The following CEP63 variants were observed in gnomAD, a reference collection of about 807,000 sequenced individuals.
CEP63 encodes the protein centrosomal protein of 63 kDa.
A neutral mutation model predicts 89.1 loss-of-function variants in CEP63; 84 were observed. That is an observed-to-expected ratio of 0.94 (90% CI 0.79 to 1.13). CEP63 has a LOEUF of 1.13. CEP63 is among the 50% of genes most tolerant of loss of function. CEP63 has a pLI of 0.00. For synonymous variants in CEP63, 267 were observed against 272.5 expected (o/e 0.98, Z 0.20); for missense variants, 838 against 813.3 (o/e 1.03, Z -0.37).
exon 11 of CEP63, among the ~76,000 whole-genome samples, chr3:134,587,671 A>T (rs1282170554): frequency 6.6e-6 from 1 of 152,080 alleles, no homozygotes; most frequent in Non-Finnish European, 1.5e-5. Flanking sequence ...CCACTTGAGG[A>T]GGCAGTCTGT....
At chr3:134,676,961 T>C in the CEP63 span, among the ~76,000 whole-genome samples, 5 of 152,248 alleles carry the variant, frequency 3.3e-5, no homozygotes, top group African/African-American at 1.2e-4. Flanking sequence ...CCCGGCCAGG[T>C]GCAGTGGTTC....
At position 134,552,296 on chromosome 3, in the gene CEP63, C is replaced by T. The variant is rs1049233996; in HGVS notation, c.1467+284C>T. 16 of 208,530 alleles carry T rather than the reference C, an allele frequency of 7.7e-5. 1 individual carries two copies. In the South Asian group the frequency reaches 9.4e-4, roughly 12 times the overall value. 12.9% of individuals were successfully genotyped at this position (208,530 alleles called of 1,614,324 possible). On this transcript the variant is annotated intron_variant, in intron 12 of 14. Transcript: ENST00000675561. ...TTGGCTCACCGCAGCCTCCACCTCC[C>T]GGGTTCAAATGATGCTCCTGCCTCA...
intron 3 of CEP63, among the ~76,000 whole-genome samples, chr3:134,519,163 G>A (rs1024273075): frequency 1.3e-5 from 2 of 151,810 alleles, no homozygotes; most frequent in African/African-American, 2.4e-5. Context: ...TCACTCTGTC[G>A]CCCAGGCAGG....
intron 10 of CEP63, among the ~76,000 whole-genome samples, chr3:134,581,676 A>G (rs1958351277): frequency 2.6e-5 from 1 of 37,916 alleles, no homozygotes; most frequent in South Asian, 1.2e-3. Context: ...TCATGATGAA[A>G]ACATTTTTTT....
the CEP63 span, among the ~76,000 whole-genome samples, chr3:134,616,082 G>A: frequency 3.9e-3 from 587 of 152,358 alleles, 2 homozygotes; most frequent in African/African-American, 0.013. Context: ...GCAGTCTGGG[G>A]AATTAAGCTT....
At chr3:134,635,596 A>G in the CEP63 span, among the ~76,000 whole-genome samples, 1 of 152,114 alleles carries the variant, frequency 6.6e-6, no homozygotes, top group African/African-American at 2.4e-5. Flanking sequence ...AGAGGGAAAT[A>G]GAACTGCTGT....
At chr3:134,774,223 C>A in the CEP63 span, among the ~76,000 whole-genome samples, 1 of 152,266 alleles carries the variant, frequency 6.6e-6, no homozygotes, top group South Asian at 2.1e-4. Context: ...TATTTCCTCC[C>A]ACAGGGTCTC....
At chr3:134,519,284 C>T (rs551425293) in intron 3 of CEP63, among the ~76,000 whole-genome samples, 19 of 151,948 alleles carry the variant, frequency 1.3e-4, no homozygotes, top group South Asian at 6.2e-4. Flanking sequence ...CCACCATGCC[C>T]GGCTAATTTT....
the CEP63 span, among the ~76,000 whole-genome samples, chr3:134,782,404 A>G: frequency 6.6e-6 from 1 of 152,190 alleles, no homozygotes; most frequent in Non-Finnish European, 1.5e-5. Context: ...ATTGTGAATC[A>G]GGTTTGATAT....
the CEP63 span, among the ~76,000 whole-genome samples, chr3:134,642,866 T>G: frequency 2.0e-5 from 3 of 152,214 alleles, no homozygotes; most frequent in Non-Finnish European, 2.9e-5. Context: ...CTTGAACACA[T>G]GACAGCCTTT....
chr3:134,534,097 A>G (rs1422374850), intron 5 of CEP63, among the ~76,000 whole-genome samples: 1 of 152,272 alleles, frequency 6.6e-6, no homozygotes, highest in African/African-American at 2.4e-5. Context: ...GCCAATGAAC[A>G]TAACAACCAA....
At chr3:134,667,818 C>A in the CEP63 span, among the ~76,000 whole-genome samples, 1 of 152,296 alleles carries the variant, frequency 6.6e-6, no homozygotes, top group East Asian at 1.9e-4. Context: ...GAGAGCCAAG[C>A]AGCTCTGCTG....
chr3:134,722,938 C>T, the CEP63 span, among the ~76,000 whole-genome samples: 1 of 152,170 alleles, frequency 6.6e-6, no homozygotes, highest in Non-Finnish European at 1.5e-5. Context: ...GATAGCATGC[C>T]ACTGCAAGCC....
chr3:134,740,459 G>C, the CEP63 span, among the ~76,000 whole-genome samples: 25 of 151,966 alleles, frequency 1.6e-4, no homozygotes, highest in Admixed American at 1.6e-3. Flanking sequence ...TACTATGCCC[G>C]GCTAATTTTT....
At chr3:134,709,697 C>A in the CEP63 span, among the ~76,000 whole-genome samples, 2 of 152,334 alleles carry the variant, frequency 1.3e-5, no homozygotes, top group South Asian at 2.1e-4. Context: ...AACTTTGCAT[C>A]CCTTCTGGGA....
At chr3:134,591,630 T>C (rs952256696), downstream of CEP63, among the ~76,000 whole-genome samples, 8 of 151,904 alleles carry the variant, frequency 5.3e-5, no homozygotes, top group Non-Finnish European at 4.4e-5. Context: ...CCGAGGTGGG[T>C]GGAGTGCTTG....
At chr3:134,505,417 C>T (rs770949409) in intron 2 of CEP63, among the ~76,000 whole-genome samples, 5 of 152,156 alleles carry the variant, frequency 3.3e-5, no homozygotes, top group South Asian at 2.1e-4. Context: ...GTGACTTGGA[C>T]TGTGATTGTC....
chr3:134,487,161 A>G (rs1010205040), intron 1 of CEP63, among the ~76,000 whole-genome samples: 10 of 152,266 alleles, frequency 6.6e-5, no homozygotes, highest in East Asian at 1.9e-4. Flanking sequence ...GCTTGCATTT[A>G]TTTTTTAGAT....
chr3:134,668,872 C>G, the CEP63 span, among the ~76,000 whole-genome samples: 1 of 152,192 alleles, frequency 6.6e-6, no homozygotes, highest in African/African-American at 2.4e-5. Flanking sequence ...ACTACCTCCA[C>G]CACCTTCACT....
Sources: gnomAD v4.1 joint callset for allele counts (sites outside exome capture counted in the v4.1 genomes callset) on GRCh38, gnomAD v4.1.1 for gene constraint, MANE v1.5 for transcripts, NCBI Gene and HGNC (gene_info 2026-07-23, HGNC 2026-07-21) for gene names.